SFMBT1: variants seen among roughly 807,000 people sequenced by gnomAD.
SFMBT1 encodes Scm like with four mbt domains 1.
In SFMBT1, 32 loss-of-function variants were observed where a neutral mutation model predicts 108.7. The ratio of observed to expected loss-of-function variants is 0.29; its 90% CI spans 0.22 to 0.40. SFMBT1 has a LOEUF of 0.40. Among genes scored for constraint, SFMBT1 ranks in the 10% least tolerant of loss-of-function variants. The pLI is 1.00. For missense variants in SFMBT1, 816 were observed against 1,059.6 expected (o/e 0.77, Z 3.19); for synonymous variants, 348 against 369.5 (o/e 0.94, Z 0.67).
chr3:52,916,079 A>T, intron 14 of SFMBT1, 71 bp downstream of exon 14: 2 of 1,298,008 alleles, frequency 1.5e-6, no homozygotes, highest in Non-Finnish European at 1.1e-6. Flanking sequence ...GTACTGTTTT[A>T]AGTTATTTTC....
At chr3:52,947,220 C>G (rs1703401229) in intron 3 of SFMBT1, among the ~76,000 whole-genome samples, 1 of 150,888 alleles carries the variant, frequency 6.6e-6, no homozygotes, top group South Asian at 2.1e-4. Flanking sequence ...CAGGTTCACG[C>G]CATTCTCCTG....
intron 1 of SFMBT1, among the ~76,000 whole-genome samples, chr3:53,009,618 T>A (rs887851124): frequency 2.0e-5 from 3 of 152,186 alleles, no homozygotes; most frequent in Non-Finnish European, 4.4e-5. Context: ...TATTTACAGT[T>A]GACCCTTGAA....
intron 1 of SFMBT1, among the ~76,000 whole-genome samples, chr3:53,023,725 G>C (rs939388760): frequency 6.6e-6 from 1 of 152,134 alleles, no homozygotes; most frequent in Non-Finnish European, 1.5e-5. Flanking sequence ...TGAGAAATGC[G>C]GGTTTGTGGG....
chr3:52,932,756 C>G (rs553370619), intron 5 of SFMBT1, among the ~76,000 whole-genome samples: 1 of 151,970 alleles, frequency 6.6e-6, no homozygotes. Flanking sequence ...ACTAAAAATA[C>G]AAAAATTAGT....
chr3:53,045,537 G>A (rs937954168), intron 1 of SFMBT1, among the ~76,000 whole-genome samples: 3 of 142,996 alleles, frequency 2.1e-5, no homozygotes, highest in African/African-American at 7.5e-5. Context: ...CCGCGGCGAG[G>A]CGCCCAGGCG....
chr3:52,934,710 T>C (rs2257216), intron 5 of SFMBT1, 103 bp downstream of exon 5: 592,554 of 920,464 alleles, frequency 0.64, 192,698 homozygotes, highest in Middle Eastern at 0.7. Flanking sequence ...TCTCTAATAA[T>C]AACGTTTATT....
chr3:52,947,857 C>A (rs2106822802), intron 3 of SFMBT1, among the ~76,000 whole-genome samples: 1 of 152,196 alleles, frequency 6.6e-6, no homozygotes, highest in South Asian at 2.1e-4. Context: ...GCCTCAGTCT[C>A]CCAAGCAGCT....
intron 1 of SFMBT1, among the ~76,000 whole-genome samples, chr3:52,971,550 A>G (rs747549091): frequency 5.3e-5 from 8 of 152,184 alleles, no homozygotes; most frequent in Admixed American, 2.6e-4. Flanking sequence ...TCATCCCCAT[A>G]TACTTATCAA....
intron 1 of SFMBT1, among the ~76,000 whole-genome samples, chr3:52,979,376 G>A (rs1348563406): frequency 6.6e-6 from 1 of 152,148 alleles, no homozygotes; most frequent in African/African-American, 2.4e-5. Context: ...GTCCAAACAG[G>A]TGTTCCTAAT....
At chr3:52,931,786 G>A (rs1010469958) in intron 6 of SFMBT1, among the ~76,000 whole-genome samples, 36 of 152,112 alleles carry the variant, frequency 2.4e-4, no homozygotes, top group African/African-American at 8.7e-4. Context: ...GTTGCAGTGA[G>A]CTGAGATCAT....
chr3:53,031,872 T>C (rs1054299663), intron 1 of SFMBT1, among the ~76,000 whole-genome samples: 4 of 152,204 alleles, frequency 2.6e-5, no homozygotes, highest in Admixed American at 2.0e-4. Flanking sequence ...ATATTCTCTA[T>C]AGAGTGGCTT....
chr3:53,029,301 G>A (rs894859541), intron 1 of SFMBT1, among the ~76,000 whole-genome samples: 4 of 152,032 alleles, frequency 2.6e-5, no homozygotes, highest in Admixed American at 2.0e-4. Context: ...TATGCAGAGC[G>A]TTATTGAAGG....
intron 3 of SFMBT1, among the ~76,000 whole-genome samples, chr3:52,946,939 T>C (rs1017865922): frequency 6.6e-6 from 1 of 151,664 alleles, no homozygotes; most frequent in African/African-American, 2.4e-5. Flanking sequence ...ACCTGGTTGA[T>C]TTTTGTATTT....
At chr3:52,930,870 T>C (rs1702835889) in intron 7 of SFMBT1, 71 bp downstream of exon 7, 1 of 1,319,382 alleles carries the variant, frequency 7.6e-7, no homozygotes, top group African/African-American at 1.4e-5. Context: ...TGCTTTACAC[T>C]TTCACCTCCT....
intron 1 of SFMBT1, among the ~76,000 whole-genome samples, chr3:52,980,097 C>T (rs1391225379): frequency 6.6e-6 from 1 of 152,052 alleles, no homozygotes; most frequent in Non-Finnish European, 1.5e-5. Context: ...TATCATTTAC[C>T]ACTTTTATAT....
At position 53,016,188 on chromosome 3, in the gene SFMBT1, C is replaced by T. The variant is rs551153850; in HGVS notation, c.-131+29628G>A. 5.3e-5 allele frequency among the ~76,000 whole-genome samples: 8 copies of T among 151,794 alleles called. No individual in the cohort carries two copies. The East Asian group carries it at 1.5e-3, about 29-fold the overall frequency. ...AAAAAACAAAACCCAGAACTTTAAG[C>T]TTACACCTCTAACTCCAAAGCAGGA... On this transcript the variant is annotated intron_variant, in intron 1 of 20. Coordinates refer to ENST00000394752, the MANE Select transcript of SFMBT1 (RefSeq NM_016329.4).
rs757976784 is a variant in SFMBT1 at position 52,932,244 on chromosome 3, A to G, written c.518T>C (p.Phe173Ser). The G allele has an allele frequency of 7.2e-5, 117 of 1,614,080 alleles. No homozygotes were observed. The highest frequency in any genetic ancestry group is 9.1e-5 in the Non-Finnish European group (107 of 1,180,028). ...APGSRLECQA[F>S]QDSLSTWIVT... ...AATCCAAGTGCTTAAAGAGTCCTGG[A>G]AAGCTTGACATTCTAGTCTGGATCC... Residue 173 changes from phenylalanine (F) to serine (S), a missense_variant, in exon 6 of 21, where the codon TTC becomes TCC. Physicochemically the swap from Phe to Ser is radical, Grantham distance 155. Transcript: ENST00000394752.
chr3:52,920,507 C>G, intron 12 of SFMBT1, 30 bp downstream of exon 12: 2 of 1,493,576 alleles, frequency 1.3e-6, no homozygotes, highest in Non-Finnish European at 1.9e-6. Flanking sequence ...ATTTAACAAT[C>G]AATCCTCTAA....
intron 8 of SFMBT1, among the ~76,000 whole-genome samples, chr3:52,928,703 GT>G (rs1482861248): frequency 7.1e-6 from 1 of 140,222 alleles, no homozygotes; most frequent in Non-Finnish European, 1.5e-5. Context: ...TAGTTTGTTT[GT>G]TTTTTTTTGG....
Sources: allele counts gnomAD v4.1 joint callset (sites outside exome capture counted in the v4.1 genomes callset), GRCh38; gene constraint gnomAD v4.1.1; transcripts MANE v1.5; gene names NCBI Gene and HGNC (gene_info 2026-07-23, HGNC 2026-07-21).